The following CFTR variants were observed in gnomAD, a reference collection of about 807,000 sequenced individuals.
CFTR encodes the protein CF transmembrane conductance regulator, also known as cystic fibrosis transmembrane conductance regulator.
CFTR carries 181 observed loss-of-function variants against 171.6 expected under a neutral mutation model. That is an observed-to-expected ratio of 1.05 (90% CI 0.93 to 1.19). The LOEUF (loss-of-function observed/expected upper bound fraction) is 1.19. CFTR is among the 50% of genes most tolerant of loss of function. CFTR has a pLI of 0.00. For synonymous variants in CFTR, 583 were observed against 608.0 expected (o/e 0.96, Z 0.60); for missense variants, 1,968 against 1,734.7 (o/e 1.13, Z -2.39).
At chr7:117,493,590 A>G (rs931158196) in intron 1 of CFTR, among the ~76,000 whole-genome samples, 8 of 152,022 alleles carry the variant, frequency 5.3e-5, no homozygotes, top group Non-Finnish European at 4.4e-5. Flanking sequence ...GTGATAATAA[A>G]GCTTGAAGAA....
chr7:117,573,389 A>G (rs1380405930), intron 11 of CFTR, among the ~76,000 whole-genome samples: 5 of 152,138 alleles, frequency 3.3e-5, no homozygotes, highest in African/African-American at 1.2e-4. Flanking sequence ...AACAGACCCA[A>G]TGTGTTGTAT....
At chr7:117,552,881 C>G (rs1254848117) in intron 10 of CFTR, among the ~76,000 whole-genome samples, 1 of 152,172 alleles carries the variant, frequency 6.6e-6, no homozygotes, top group African/African-American at 2.4e-5. Context: ...CCCTGCCATT[C>G]ATATGTTGAA....
chr7:117,541,317 G>A (rs1239500123), intron 8 of CFTR, among the ~76,000 whole-genome samples: 1 of 152,182 alleles, frequency 6.6e-6, no homozygotes, highest in Non-Finnish European at 1.5e-5. Flanking sequence ...CATAGAGACA[G>A]AGAAACAGAT....
intron 18 of CFTR, 57 bp downstream of exon 18, chr7:117,606,810 A>C: frequency 2.0e-6 from 2 of 976,818 alleles, no homozygotes; most frequent in Non-Finnish European, 3.3e-6. Flanking sequence ...ACAATAACAA[A>C]AGCAAATGTG....
At chr7:117,582,477 A>C (rs749685200) in intron 11 of CFTR, among the ~76,000 whole-genome samples, 3 of 152,152 alleles carry the variant, frequency 2.0e-5, no homozygotes, top group Admixed American at 6.5e-5. Context: ...CCCAGGGTAC[A>C]CGCAACCTGG....
intron 9 of CFTR, among the ~76,000 whole-genome samples, 186 bp from the exon 10 acceptor site, chr7:117,548,455 T>C (rs1474654871): frequency 6.6e-6 from 1 of 151,986 alleles, no homozygotes; most frequent in African/African-American, 2.4e-5. Flanking sequence ...TTTTAGATCA[T>C]GTCCTCTAGA....
At chr7:117,597,892 G>T (rs1208186946) in intron 15 of CFTR, among the ~76,000 whole-genome samples, 1 of 152,082 alleles carries the variant, frequency 6.6e-6, no homozygotes, top group Non-Finnish European at 1.5e-5. Context: ...GACACAAGAG[G>T]TGCCTGAAGC....
intron 5 of CFTR, among the ~76,000 whole-genome samples, chr7:117,534,659 C>A (rs781704400): frequency 6.6e-6 from 1 of 152,098 alleles, no homozygotes; most frequent in Non-Finnish European, 1.5e-5. Context: ...TGTACTTTGG[C>A]CAGATATGAT....
Position 117,665,533 on chromosome 7 carries a change from T to C in CFTR, c.4211T>C (p.Ile1404Thr). The change falls in exon 26 of 27, where the codon ATA becomes ACA. Residue 1404 changes from isoleucine to threonine, a missense_variant. Physicochemically the swap from Ile to Thr is moderately conservative, Grantham distance 89. Transcript: ENST00000003084. ...ACAGTAATTCTCTGTGAACACAGGA[T>C]AGAAGCAATGCTGGAATGCCAACAA... is the stretch of plus-strand genomic sequence containing the variant. Reference protein sequence around the residue: ...DCTVILCEHRIEAMLECQQFL... With the variant: ...DCTVILCEHRTEAMLECQQFL... 1.2e-6 allele frequency: 2 copies of C among 1,613,038 alleles called. No homozygotes were observed. The highest frequency in any genetic ancestry group is 8.5e-7 in the Non-Finnish European group (1 of 1,179,160).
chr7:117,545,627 C>A (rs996308473), intron 9 of CFTR, among the ~76,000 whole-genome samples: 2 of 152,114 alleles, frequency 1.3e-5, no homozygotes, highest in Non-Finnish European at 2.9e-5. Flanking sequence ...CAACTCCTCC[C>A]TTGCTCCAAA....
intron 11 of CFTR, among the ~76,000 whole-genome samples, chr7:117,568,531 G>A (rs1791639189): frequency 6.6e-6 from 1 of 151,692 alleles, no homozygotes. Context: ...GGTATAGAAG[G>A]GGAAAAAAGA....
chr7:117,594,247 G>A (rs1792084312), intron 14 of CFTR, among the ~76,000 whole-genome samples: 1 of 152,142 alleles, frequency 6.6e-6, no homozygotes, highest in Non-Finnish European at 1.5e-5. Context: ...TTCCATAGGA[G>A]CCCTTCTTTG....
intron 1 of CFTR, among the ~76,000 whole-genome samples, chr7:117,501,047 TAA>T (rs1160736062): frequency 6.6e-6 from 1 of 152,228 alleles, no homozygotes; most frequent in Non-Finnish European, 1.5e-5. Flanking sequence ...TTATATTTTT[TAA>T]AAGAGATTGA....
intron 23 of CFTR, among the ~76,000 whole-genome samples, chr7:117,647,904 A>G (rs1021762350): frequency 6.6e-6 from 1 of 151,418 alleles, no homozygotes; most frequent in Non-Finnish European, 1.5e-5. Context: ...TACAGATTGA[A>G]TTTATAAGAA....
chr7:117,483,634 A>C (rs1798030132), intron 1 of CFTR, among the ~76,000 whole-genome samples: 2 of 152,144 alleles, frequency 1.3e-5, no homozygotes, highest in Admixed American at 1.3e-4. Flanking sequence ...ATCATAACTC[A>C]CTGCAACCTC....
chr7:117,555,670 A>G (rs972934731), intron 10 of CFTR, among the ~76,000 whole-genome samples: 2 of 152,258 alleles, frequency 1.3e-5, no homozygotes, highest in African/African-American at 2.4e-5. Context: ...GGTATTTACC[A>G]TATATTGAGG....
chr7:117,590,458 T>G lies in CFTR; in HGVS notation c.1766+19T>G. 1.3e-6 allele frequency: 2 copies of G among 1,594,210 alleles called. No homozygotes were observed. The highest frequency in any genetic ancestry group is 1.7e-6 in the Non-Finnish European group (2 of 1,166,772). On this transcript the variant is annotated intron_variant, in intron 13 of 26. Coordinates refer to ENST00000003084, the MANE Select transcript of CFTR (RefSeq NM_000492.4). ...TTGAAAGGTATGTTCTTTGAATACCTTACTTATAATGCTCATGCTAAAATA... is the reference window on the plus strand; with the variant it reads ...TTGAAAGGTATGTTCTTTGAATACCGTACTTATAATGCTCATGCTAAAATA...
chr7:117,623,894 A>AACATGAAGCCTATGAGACATAAGCC (rs1792615389), intron 21 of CFTR, among the ~76,000 whole-genome samples: 3 of 152,166 alleles, frequency 2.0e-5, no homozygotes, highest in African/African-American at 7.2e-5. Flanking sequence ...GAATTTGTTT[A>AACATGAAGCCTATGAGACATAAGCC]ACATGAAGCC....
intron 11 of CFTR, among the ~76,000 whole-genome samples, chr7:117,586,004 A>C (rs908633954): frequency 1.3e-5 from 2 of 152,240 alleles, no homozygotes; most frequent in Admixed American, 6.5e-5. Flanking sequence ...GCAGGAGAGA[A>C]GAAATACACA....
Sources: allele counts gnomAD v4.1 joint callset (sites outside exome capture counted in the v4.1 genomes callset), GRCh38; gene constraint gnomAD v4.1.1; transcripts MANE v1.5; gene names NCBI Gene and HGNC (gene_info 2026-07-23, HGNC 2026-07-21).